MTBP: variants seen among roughly 807,000 people sequenced by gnomAD.
The protein encoded by MTBP is mdm2-binding protein.
MTBP carries 101 observed loss-of-function variants against 117.0 expected under a neutral mutation model. The observed-to-expected ratio is 0.86, with a 90% CI of 0.73 to 1.02. The LOEUF is 1.02. MTBP is among the 50% of genes least tolerant of loss of function. MTBP has a pLI of 0.00. For synonymous variants in MTBP, 350 were observed against 351.5 expected, an observed-to-expected ratio of 1.00 and a Z score of 0.05; for missense variants, 970 against 1,030.9, an observed-to-expected ratio of 0.94 and a Z score of 0.81.
At chr8:120,480,405 G>T (rs1814053438) in intron 11 of MTBP, among the ~76,000 whole-genome samples, 1 of 151,658 alleles carries the variant, frequency 6.6e-6, no homozygotes, top group Non-Finnish European at 1.5e-5. Context: ...GCGAGACTCC[G>T]TCTCAAAAAA....
At chr8:120,480,325 G>C (rs1176759453) in intron 11 of MTBP, among the ~76,000 whole-genome samples, 1 of 151,878 alleles carries the variant, frequency 6.6e-6, no homozygotes, top group South Asian at 2.1e-4. Flanking sequence ...CAGGAGAATC[G>C]TTTGAACCTG....
Position 120,460,421 on chromosome 8 carries a change from A to T in MTBP, c.883-740A>T, listed in dbSNP as rs1484638580. On this transcript the variant is annotated intron_variant, in intron 8 of 21. Coordinates refer to ENST00000305949, the MANE Select transcript of MTBP (RefSeq NM_022045.5). Reference sequence around the variant, plus strand: ...TGTTTATGATTATAGATATATATACACTTAATCATGTATGGTGAAATTACT... The same window carrying T: ...TGTTTATGATTATAGATATATATACTCTTAATCATGTATGGTGAAATTACT... Among the ~76,000 whole-genome samples, 6 of 152,266 alleles carry T rather than the reference A, an allele frequency of 3.9e-5. No individual in the cohort carries two copies. The South Asian group carries it at 8.3e-4, about 21-fold the overall frequency.
chr8:120,456,125 A>G (rs972461078), intron 6 of MTBP, among the ~76,000 whole-genome samples: 2 of 152,156 alleles, frequency 1.3e-5, no homozygotes, highest in Non-Finnish European at 2.9e-5. Flanking sequence ...TTTTCATTGA[A>G]GTGCAGGGAG....
chr8:120,503,680 C>T (rs142837012), intron 15 of MTBP, among the ~76,000 whole-genome samples: 1,573 of 152,114 alleles, frequency 0.01, 10 homozygotes, highest in Non-Finnish European at 0.015. Context: ...TGCTTTCTTA[C>T]GGCAAATAAA....
intron 20 of MTBP, 89 bp downstream of exon 20, chr8:120,518,906 C>T (rs1814967873): frequency 6.2e-6 from 5 of 803,310 alleles, no homozygotes; most frequent in South Asian, 5.5e-5. Flanking sequence ...ATTTTTTATA[C>T]TGAGAGCGTA....
chr8:120,461,311 GT>G, intron 9 of MTBP, 56 bp downstream of exon 9: 1 of 1,243,310 alleles, frequency 8.0e-7, no homozygotes, highest in Non-Finnish European at 1.2e-6. Context: ...CAGGTAGAAT[GT>G]TCTGGTATTG....
At chr8:120,467,199 T>C (rs890416864) in intron 10 of MTBP, among the ~76,000 whole-genome samples, 2 of 152,250 alleles carry the variant, frequency 1.3e-5, no homozygotes, top group African/African-American at 4.8e-5. Context: ...TAGGGAGTTA[T>C]GATGTTCACT....
intron 4 of MTBP, among the ~76,000 whole-genome samples, chr8:120,453,299 A>G (rs1813399423): frequency 6.6e-6 from 1 of 151,986 alleles, no homozygotes; most frequent in African/African-American, 2.4e-5. Flanking sequence ...TTAGCCAGGC[A>G]TGGTGGTGTG....
intron 2 of MTBP, among the ~76,000 whole-genome samples, chr8:120,449,983 T>C (rs996707923): frequency 3.3e-5 from 5 of 152,148 alleles, no homozygotes; most frequent in African/African-American, 1.2e-4. Context: ...AAGTTTATCT[T>C]TGAGGAAGAG....
chr8:120,519,883 C>T (rs1423048337), intron 20 of MTBP, among the ~76,000 whole-genome samples: 1 of 152,088 alleles, frequency 6.6e-6, no homozygotes, highest in African/African-American at 2.4e-5. Flanking sequence ...CTCTTCTCCC[C>T]AAATGTTCAC....
At chr8:120,467,794 G>A (rs541558653) in intron 10 of MTBP, among the ~76,000 whole-genome samples, 3 of 152,158 alleles carry the variant, frequency 2.0e-5, no homozygotes, top group Admixed American at 6.5e-5. Flanking sequence ...ATTTTATTTT[G>A]TAGGGAATTA....
At chr8:120,502,632 A>G in intron 15 of MTBP, 23 bp downstream of exon 15, 1 of 1,305,892 alleles carries the variant, frequency 7.7e-7, no homozygotes, top group South Asian at 1.3e-5. Flanking sequence ...TCTGTAGTAA[A>G]GCATGTGATA....
chr8:120,482,363 T>G (rs1814103328), intron 11 of MTBP, among the ~76,000 whole-genome samples: 1 of 152,228 alleles, frequency 6.6e-6, no homozygotes, highest in Non-Finnish European at 1.5e-5. Context: ...TGAATCAAAT[T>G]GGTAATGAAG....
At chr8:120,491,972 G>A (rs1814355745) in intron 13 of MTBP, among the ~76,000 whole-genome samples, 1 of 152,024 alleles carries the variant, frequency 6.6e-6, no homozygotes, top group African/African-American at 2.4e-5. Context: ...CAACAGAGTT[G>A]GTGAGAGGGC....
At chr8:120,489,103 A>G (rs533556380) in intron 12 of MTBP, among the ~76,000 whole-genome samples, 5 of 145,362 alleles carry the variant, frequency 3.4e-5, no homozygotes, top group Non-Finnish European at 6.0e-5. Context: ...CAGTGGTGCA[A>G]TCTTCGCTCA....
At chr8:120,462,335 C>T (rs368938897) in intron 9 of MTBP, among the ~76,000 whole-genome samples, 1 of 152,094 alleles carries the variant, frequency 6.6e-6, no homozygotes, top group Non-Finnish European at 1.5e-5. Context: ...AAAATCAACA[C>T]GGTATTATGA....
At position 120,456,643 on chromosome 8, in the gene MTBP, G is replaced by C. The variant is rs76213660; in HGVS notation, c.720G>C (p.Arg240Ser). 6.3e-7 allele frequency: 1 copy of C among 1,591,104 alleles called. No individual in the cohort carries two copies. The highest frequency in any genetic ancestry group is 8.6e-7 in the Non-Finnish European group (1 of 1,163,970). ...RNVIDSKELW[R>S]GKIQIWERKF... ...TTATTGACTCAAAGGAATTATGGAG[G>C]GGGAAAATACAGATATGGGAAAGAA... Residue 240 changes from arginine to serine, a missense_variant, in exon 7 of 22, where the codon AGG (arginine) becomes AGC (serine). By Grantham distance (110) the Arg-to-Ser change is moderately radical. Transcript: ENST00000305949.
At chr8:120,460,253 C>T (rs949584908) in intron 8 of MTBP, among the ~76,000 whole-genome samples, 3 of 152,098 alleles carry the variant, frequency 2.0e-5, no homozygotes, top group Admixed American at 6.5e-5. Flanking sequence ...AGATTCATGA[C>T]CTCAACTTTT....
Position 120,445,712 on chromosome 8 carries a change from C to T in MTBP, c.118+124C>T, listed in dbSNP as rs897179560. 32 of 747,058 alleles carry T rather than the reference C, an allele frequency of 4.3e-5. No homozygotes were observed. In the Middle Eastern group the frequency reaches 2.5e-3, roughly 59 times the overall value. 46.3% of individuals were successfully genotyped at this position (747,058 alleles called of 1,614,324 possible). ...TTGTCCCACGAAGCTGGGACTCTAT[C>T]TGGGATAGAGTTAATGAGGGCTGCA... On this transcript the variant is annotated intron_variant, in intron 1 of 21. Transcript: ENST00000305949.
Sources: allele counts gnomAD v4.1 joint callset (sites outside exome capture counted in the v4.1 genomes callset), GRCh38; gene constraint gnomAD v4.1.1; transcripts MANE v1.5; gene names NCBI Gene and HGNC (gene_info 2026-07-23, HGNC 2026-07-21).